Variants in CSMD3 observed in about 807,000 individuals in gnomAD.
The protein encoded by CSMD3 is CUB and Sushi multiple domains 3.
In CSMD3, 177 loss-of-function variants were observed where a neutral mutation model predicts 435.2. That is an observed-to-expected ratio of 0.41 (90% confidence interval 0.36 to 0.46). CSMD3 has a LOEUF of 0.46. Ranked by LOEUF, CSMD3 falls within the 20% of genes least tolerant of loss-of-function variation. The pLI, the probability that CSMD3 is intolerant of heterozygous loss-of-function variation, is 0.34. For synonymous variants in CSMD3, 1,656 were observed against 1,520.5 expected, an observed-to-expected ratio of 1.09 and a Z score of -2.07; for missense variants, 4,265 against 4,504.6, an observed-to-expected ratio of 0.95 and a Z score of 1.52.
chr8:112,577,220 T>C (rs1388238825), intron 23 of CSMD3, among the ~76,000 whole-genome samples: 4 of 152,058 alleles, frequency 2.6e-5, no homozygotes, highest in Non-Finnish European at 5.9e-5. Flanking sequence ...AACTCATAAA[T>C]AAAATCCTTC....
chr8:113,419,177 G>T (rs546512684), intron 1 of CSMD3, among the ~76,000 whole-genome samples: 53 of 147,330 alleles, frequency 3.6e-4, no homozygotes, highest in African/African-American at 1.2e-3. Context: ...GGAGTGCAGT[G>T]GCGTGATCTT....
rs746311776 is a variant in CSMD3 at position 112,352,529 on chromosome 8, C to G, written c.6142G>C (p.Gly2048Arg). The G allele has an allele frequency of 6.2e-7, 1 of 1,609,428 alleles. No individual in the cohort carries two copies. Among genetic ancestry groups the G allele is most frequent in the East Asian group, 2.2e-5 (1 of 44,728 alleles). The change falls in exon 39 of 71, where the codon GGT becomes CGT. Residue 2048 changes from glycine to arginine, a missense_variant. By Grantham distance (125) the Gly-to-Arg change is moderately radical. Transcript: ENST00000297405. ...AGFHLEYTAI[G>R]LDSCPEPQTP... The stretch of plus-strand genomic sequence containing the variant: ...TGTGGTTCAGGACAGGAATCCAAAC[C>G]AATTGCTAAGAATATTTAATGATAA...
In CSMD3 at chr8:112,771,779, T is replaced by A. The variant is rs185190285; in HGVS notation, c.1972+28383A>T. 2.1e-3 allele frequency among the ~76,000 whole-genome samples: 315 copies of A among 151,838 alleles called. 1 individual carries two copies. Among genetic ancestry groups the A allele is most frequent in the African/African-American group, 7.3e-3 (303 of 41,432 alleles). The stretch of plus-strand genomic sequence containing the variant: ...CTATAAAATAAATTGTAGAGAAGAG[T>A]ACAGAAGAGGGCATTCTTAAACCAT... On this transcript the variant is annotated intron_variant, in intron 13 of 70. Transcript: ENST00000297405.
At chr8:113,223,752 A>ATGTG (rs746390167) in intron 3 of CSMD3, among the ~76,000 whole-genome samples, 2,441 of 120,902 alleles carry the variant, frequency 0.02, 77 homozygotes, top group African/African-American at 0.082. Context: ...GTGTGTGTTT[A>ATGTG]TGTGTGTGTA....
chr8:113,397,200 T>C (rs1469722350), intron 1 of CSMD3, among the ~76,000 whole-genome samples: 1 of 152,146 alleles, frequency 6.6e-6, no homozygotes, highest in East Asian at 1.9e-4. Context: ...TTCGTTAAAT[T>C]TTGTTAATCT....
At position 112,579,168 on chromosome 8, in the gene CSMD3, G is replaced by A. The variant is rs921920996; in HGVS notation, c.3886-5511C>T. Among the ~76,000 whole-genome samples, 10 of 152,096 alleles carry A rather than the reference G, an allele frequency of 6.6e-5. No homozygotes were observed. In the South Asian group the frequency reaches 2.1e-3, roughly 32 times the overall value. The stretch of plus-strand genomic sequence containing the variant: ...AACTTCATTAGTTTGTAAATGATAT[G>A]AGCAACTAATTTGGTTAATTAAATA... On this transcript the variant is annotated intron_variant, in intron 23 of 70. Transcript: ENST00000297405.
intron 10 of CSMD3, among the ~76,000 whole-genome samples, chr8:112,884,387 T>G (rs2081531429): frequency 6.6e-6 from 1 of 151,820 alleles, no homozygotes; most frequent in Non-Finnish European, 1.5e-5. Flanking sequence ...GCCTTGTTTG[T>G]GTTTATGCAG....
chr8:113,011,454 T>C (rs749147435), intron 6 of CSMD3, among the ~76,000 whole-genome samples: 2 of 151,768 alleles, frequency 1.3e-5, no homozygotes, highest in Non-Finnish European at 2.9e-5. Flanking sequence ...AGTAAAACAA[T>C]ATTTAGCCAC....
intron 22 of CSMD3, among the ~76,000 whole-genome samples, chr8:112,611,260 AT>A (rs780048164): frequency 6.6e-6 from 1 of 152,166 alleles, no homozygotes; most frequent in Non-Finnish European, 1.5e-5. Context: ...CCTAAACCAT[AT>A]CCAGGTCAGT....
intron 13 of CSMD3, among the ~76,000 whole-genome samples, chr8:112,738,689 A>G (rs2077238763): frequency 6.6e-6 from 1 of 151,730 alleles, no homozygotes; most frequent in African/African-American, 2.4e-5. Context: ...AATTTTGTCA[A>G]AAAAATGCCC....
intron 17 of CSMD3, among the ~76,000 whole-genome samples, chr8:112,658,915 A>T (rs1436558734): frequency 6.6e-6 from 1 of 152,132 alleles, no homozygotes; most frequent in East Asian, 1.9e-4. Flanking sequence ...AGATCGCACC[A>T]CTGCACTCCA....
At chr8:112,565,177 C>T (rs1828963592) in intron 24 of CSMD3, among the ~76,000 whole-genome samples, 1 of 151,948 alleles carries the variant, frequency 6.6e-6, no homozygotes, top group African/African-American at 2.4e-5. Context: ...TCAATACCTC[C>T]CTTATCACCC....
intron 3 of CSMD3, among the ~76,000 whole-genome samples, chr8:113,259,620 T>G (rs2093410850): frequency 6.6e-6 from 1 of 151,880 alleles, no homozygotes; most frequent in African/African-American, 2.4e-5. Context: ...TTCTAATATC[T>G]AGAAATAAAA....
At chr8:112,587,482 C>T (rs1830830637) in intron 22 of CSMD3, among the ~76,000 whole-genome samples, 1 of 151,452 alleles carries the variant, frequency 6.6e-6, no homozygotes, top group South Asian at 2.1e-4. Context: ...AGTAATTTTC[C>T]CCCTGGATTA....
chr8:113,185,175 C>G (rs531809451), intron 3 of CSMD3, among the ~76,000 whole-genome samples: 32 of 152,164 alleles, frequency 2.1e-4, no homozygotes, highest in Admixed American at 2.0e-3. Context: ...CAACCCACCC[C>G]CATCAGGCAC....
intron 3 of CSMD3, among the ~76,000 whole-genome samples, chr8:113,222,402 T>G (rs956990014): frequency 6.6e-6 from 1 of 150,984 alleles, no homozygotes; most frequent in African/African-American, 2.4e-5. Flanking sequence ...TCTATTGATA[T>G]GTATGGGCAA....
intron 23 of CSMD3, among the ~76,000 whole-genome samples, chr8:112,585,106 G>C (rs989101005): frequency 2.0e-5 from 3 of 151,558 alleles, no homozygotes; most frequent in African/African-American, 7.3e-5. Flanking sequence ...GAGAGACCAT[G>C]AAGAAGACAA....
intron 32 of CSMD3, among the ~76,000 whole-genome samples, chr8:112,426,280 A>T (rs1234483738): frequency 6.6e-6 from 1 of 152,062 alleles, no homozygotes; most frequent in East Asian, 1.9e-4. Flanking sequence ...TTTTAAGCAC[A>T]TTTTAATAGG....
At chr8:112,885,480 A>C (rs1316121861) in intron 10 of CSMD3, among the ~76,000 whole-genome samples, 1 of 151,620 alleles carries the variant, frequency 6.6e-6, no homozygotes, top group Non-Finnish European at 1.5e-5. Flanking sequence ...ATGCTGTAAG[A>C]CTTGCCACTG....
Sources: allele counts gnomAD v4.1 joint callset (sites outside exome capture counted in the v4.1 genomes callset), GRCh38; gene constraint gnomAD v4.1.1; transcripts MANE v1.5; gene names NCBI Gene and HGNC (gene_info 2026-07-23, HGNC 2026-07-21).